Variants in MTUS2 observed in about 807,000 individuals in gnomAD.
The protein encoded by MTUS2 is microtubule associated scaffold protein 2, also known as microtubule-associated tumor suppressor candidate 2.
In MTUS2, 40 loss-of-function variants were observed where a neutral mutation model predicts 114.1. The ratio of observed to expected loss-of-function variants is 0.35; its 90% confidence interval spans 0.27 to 0.46. The LOEUF (loss-of-function observed/expected upper bound fraction) is 0.46, where lower values mean the gene tolerates loss of function less well. Ranked by LOEUF, MTUS2 falls within the 20% of genes least tolerant of loss-of-function variation. MTUS2 has a pLI of 1.00. For synonymous variants in MTUS2, 688 were observed against 672.0 expected (o/e 1.02, Z -0.37); for missense variants, 1,679 against 1,705.4 (o/e 0.98, Z 0.27).
chr13:28,918,494 G>A (rs1880869208), intron 2 of MTUS2, among the ~76,000 whole-genome samples: 1 of 151,452 alleles, frequency 6.6e-6, no homozygotes, highest in Non-Finnish European at 1.5e-5. Flanking sequence ...TTCTTTTTTG[G>A]TTTCTGTGGA....
intron 8 of MTUS2, among the ~76,000 whole-genome samples, chr13:29,377,885 A>G (rs915014123): frequency 6.6e-6 from 1 of 152,236 alleles, no homozygotes; most frequent in African/African-American, 2.4e-5. Context: ...TGACAAAGAA[A>G]GAAAAAGACA....
At chr13:28,850,308 T>C (rs1876182150) in intron 2 of MTUS2, among the ~76,000 whole-genome samples, 1 of 152,228 alleles carries the variant, frequency 6.6e-6, no homozygotes, top group Non-Finnish European at 1.5e-5. Context: ...ATCCCAGTTT[T>C]TGGACAGCCC....
chr13:29,165,179 A>G (rs1330636403), intron 5 of MTUS2, among the ~76,000 whole-genome samples: 1 of 152,140 alleles, frequency 6.6e-6, no homozygotes, highest in African/African-American at 2.4e-5. Context: ...GTTTTCAGGT[A>G]CTTGTGTCTG....
intron 7 of MTUS2, among the ~76,000 whole-genome samples, chr13:29,352,859 C>A (rs117802731): frequency 0.022 from 3,418 of 152,300 alleles, 56 homozygotes; most frequent in Middle Eastern, 0.034. Flanking sequence ...ACTCTTCATC[C>A]TTTCAGTGTA....
At chr13:28,946,175 AG>A (rs1277075400) in intron 2 of MTUS2, among the ~76,000 whole-genome samples, 1 of 152,230 alleles carries the variant, frequency 6.6e-6, no homozygotes, top group African/African-American at 2.4e-5. Flanking sequence ...TCAGAAAGCT[AG>A]AAGTAACTAG....
At chr13:29,305,236 C>G (rs1056536229) in intron 6 of MTUS2, among the ~76,000 whole-genome samples, 32 of 151,890 alleles carry the variant, frequency 2.1e-4, no homozygotes, top group African/African-American at 7.7e-4. Flanking sequence ...AATAGAGAAC[C>G]AAAAGCAAAT....
At chr13:28,904,431 T>C (rs990516090) in intron 2 of MTUS2, among the ~76,000 whole-genome samples, 6 of 152,224 alleles carry the variant, frequency 3.9e-5, no homozygotes, top group African/African-American at 1.4e-4. Flanking sequence ...AAGTTTTGTA[T>C]AAGGTGTAAG....
At chr13:29,288,842 C>A (rs980457416) in intron 6 of MTUS2, among the ~76,000 whole-genome samples, 1 of 152,210 alleles carries the variant, frequency 6.6e-6, no homozygotes. Context: ...TCCATCATCA[C>A]AGAGTAGCAC....
chr13:29,236,264 C>G (rs1593203323), intron 5 of MTUS2, among the ~76,000 whole-genome samples: 1 of 152,238 alleles, frequency 6.6e-6, no homozygotes, highest in East Asian at 1.9e-4. Flanking sequence ...TTTATTGTCT[C>G]TTAGCACAGT....
intron 2 of MTUS2, among the ~76,000 whole-genome samples, chr13:29,021,072 G>T (rs1282306851): frequency 6.6e-6 from 1 of 152,180 alleles, no homozygotes; most frequent in African/African-American, 2.4e-5. Context: ...TTTGAGACTA[G>T]TCTGGTCAAT....
chr13:29,414,467 T>TTAAAAAAAAAAAAAAAAAAAAAAAAAAA (rs1875512391), intron 8 of MTUS2, among the ~76,000 whole-genome samples: 1 of 42,422 alleles, frequency 2.4e-5, no homozygotes, highest in Non-Finnish European at 6.3e-5. Context: ...AAAAAAAAAA[T>TTAAAAAAAAAAAAAAAAAAAAAAAAAAA]TAAAAAAAAA....
Position 29,025,942 on chromosome 13 carries a change from C to T in MTUS2, c.1244C>T (p.Ser415Leu). The stretch of plus-strand genomic sequence containing the variant: ...GATAATCAGCCCACTGGCAAAATTT[C>T]ACCATGTGCAGGTGAGAAGTTGGGT... The part of the protein sequence containing the change: ...GADNQPTGKI[S>L]PCAGEKLGER... The change falls in exon 3 of 16, where the codon TCA becomes TTA. Residue 415 changes from serine (S) to leucine (L), a missense_variant. By Grantham distance (145) the Ser-to-Leu change is moderately radical. Coordinates refer to ENST00000612955, the MANE Select transcript of MTUS2 (RefSeq NM_001033602.4). The T allele has an allele frequency of 6.2e-7, 1 of 1,614,002 alleles. No homozygotes were observed. Among genetic ancestry groups the T allele is most frequent in the African/African-American group, 1.3e-5 (1 of 75,056 alleles).
At chr13:29,279,265 C>T (rs1898180198) in intron 5 of MTUS2, among the ~76,000 whole-genome samples, 1 of 152,096 alleles carries the variant, frequency 6.6e-6, no homozygotes, top group Non-Finnish European at 1.5e-5. Context: ...CATTAACCAC[C>T]TTGCTGATGT....
At chr13:29,301,094 G>A (rs954113649) in intron 6 of MTUS2, among the ~76,000 whole-genome samples, 3 of 152,284 alleles carry the variant, frequency 2.0e-5, no homozygotes, top group Admixed American at 6.5e-5. Flanking sequence ...CCCACACTTT[G>A]CTAATCAATA....
chr13:28,909,426 G>A (rs113057548), intron 2 of MTUS2, among the ~76,000 whole-genome samples: 1 of 151,888 alleles, frequency 6.6e-6, no homozygotes, highest in African/African-American at 2.4e-5. Context: ...AGTTGGATTC[G>A]TAGGTATTTT....
intron 2 of MTUS2, among the ~76,000 whole-genome samples, chr13:28,959,185 A>C (rs1051870736): frequency 6.6e-6 from 1 of 152,222 alleles, no homozygotes; most frequent in African/African-American, 2.4e-5. Flanking sequence ...GGAAAGGAGC[A>C]GTTCAGTAAG....
chr13:29,482,578 G>A (rs939036962), intron 10 of MTUS2, among the ~76,000 whole-genome samples: 3 of 152,170 alleles, frequency 2.0e-5, no homozygotes, highest in Non-Finnish European at 2.9e-5. Flanking sequence ...TTGTATGTAC[G>A]CAAAGCACCA....
intron 5 of MTUS2, among the ~76,000 whole-genome samples, chr13:29,141,978 G>GC (rs1376844135): frequency 6.6e-6 from 1 of 151,008 alleles, no homozygotes; most frequent in African/African-American, 2.4e-5. Context: ...TACTGCCTCA[G>GC]CCTCCCGAGT....
At chr13:29,092,985 A>T (rs7324366) in intron 4 of MTUS2, among the ~76,000 whole-genome samples, 102,044 of 151,870 alleles carry the variant, frequency 0.67, 34,999 homozygotes, top group Non-Finnish European at 0.74. Flanking sequence ...GGAGTTTGTG[A>T]GGTTTTGATC....
Sources: gnomAD v4.1 joint callset for allele counts (sites outside exome capture counted in the v4.1 genomes callset) on GRCh38, gnomAD v4.1.1 for gene constraint, MANE v1.5 for transcripts, NCBI Gene and HGNC (gene_info 2026-07-23, HGNC 2026-07-21) for gene names.